The following MALRD1 variants were observed in gnomAD, a reference collection of about 807,000 sequenced individuals.
MALRD1 encodes the protein MAM and LDL-receptor class A domain-containing protein 1.
In MALRD1, 247 loss-of-function variants were observed where a neutral mutation model predicts 242.1. The ratio of observed to expected loss-of-function variants is 1.02; its 90% CI spans 0.92 to 1.13. The LOEUF is 1.13. Ranked by LOEUF, MALRD1 falls within the 50% of genes most tolerant of loss-of-function variation. The pLI is 0.00. For missense variants in MALRD1, 2,989 were observed against 2,533.1 expected, an observed-to-expected ratio of 1.18 and a Z score of -3.86; for synonymous variants, 995 against 866.6, an observed-to-expected ratio of 1.15 and a Z score of -2.60.
chr10:19,498,642 G>A lies in MALRD1; in HGVS notation c.5316G>A (p.Thr1772=), dbSNP rs1034442462. ...AKALIPDSDH[T]PGSGQHFLYV... ...CATTAATTCCAGACTCTGATCACAC[G>A]CCAGGTAAATCTAGTAGCCATCCCC... The change falls in exon 31 of 40, where the codon ACG becomes ACA. Residue 1772 remains threonine, a synonymous_variant. Coordinates refer to ENST00000454679, the MANE Select transcript of MALRD1 (RefSeq NM_001142308.3). 1.7e-5 allele frequency: 26 copies of A among 1,549,016 alleles called. No homozygotes were observed. Among genetic ancestry groups the A allele is most frequent in the African/African-American group, 9.6e-5 (7 of 72,942 alleles).
intron 18 of MALRD1, among the ~76,000 whole-genome samples, chr10:19,235,611 A>AGAGAGAGAGAGC (rs1176634148): frequency 7.1e-6 from 1 of 141,666 alleles, no homozygotes; most frequent in Non-Finnish European, 1.6e-5. Flanking sequence ...AGAGAGAGAG[A>AGAGAGAGAGAGC]GAGCGCCTAG....
chr10:19,260,395 A>C (rs1190900940), intron 19 of MALRD1, among the ~76,000 whole-genome samples: 1 of 152,182 alleles, frequency 6.6e-6, no homozygotes, highest in African/African-American at 2.4e-5. Context: ...CATGGCTAAA[A>C]GACCAAGTCC....
intron 28 of MALRD1, among the ~76,000 whole-genome samples, chr10:19,410,776 A>C (rs978208447): frequency 6.6e-5 from 10 of 150,992 alleles, no homozygotes; most frequent in African/African-American, 2.0e-4. Context: ...TACATGATTA[A>C]CTAATATTCT....
chr10:19,222,495 G>A (rs12572786), intron 18 of MALRD1, among the ~76,000 whole-genome samples: 1 of 152,124 alleles, frequency 6.6e-6, no homozygotes, highest in African/African-American at 2.4e-5. Flanking sequence ...AAATATACAC[G>A]TGTAATACGA....
rs138457549 is a variant in MALRD1, at chr10:19,244,701, C to T, written c.2992-12983C>T. 1.9e-3 allele frequency among the ~76,000 whole-genome samples: 288 copies of T among 152,298 alleles called. 2 individuals are homozygous for T. The highest frequency in any genetic ancestry group is 6.0e-3 in the African/African-American group (250 of 41,568). On this transcript the variant is annotated intron_variant, in intron 18 of 39. Transcript: ENST00000454679. ...TCTATGAAGCCAGCATACACAGCAA[C>T]GTGCAACGTGCAACCTAAAAACCAA...
intron 14 of MALRD1, among the ~76,000 whole-genome samples, chr10:19,195,619 G>A (rs1023956758): frequency 3.3e-5 from 5 of 152,076 alleles, no homozygotes; most frequent in Admixed American, 3.3e-4. Flanking sequence ...GAGTATGTCC[G>A]GGGTTAGAAA....
intron 17 of MALRD1, among the ~76,000 whole-genome samples, chr10:19,207,072 T>G (rs575215178): frequency 6.6e-6 from 1 of 152,222 alleles, no homozygotes; most frequent in Non-Finnish European, 1.5e-5. Context: ...TGATTTATTC[T>G]CGCCTGGCTG....
chr10:19,459,677 G>A (rs11010059), intron 29 of MALRD1, among the ~76,000 whole-genome samples: 5,915 of 151,908 alleles, frequency 0.039, 389 homozygotes, highest in African/African-American at 0.13. Flanking sequence ...CATTTGTTAC[G>A]TACCTTGAAA....
chr10:19,602,449 GT>G (rs541295078), intron 34 of MALRD1, among the ~76,000 whole-genome samples: 2 of 145,956 alleles, frequency 1.4e-5, no homozygotes, highest in African/African-American at 5.1e-5. Flanking sequence ...CGCGGTGTTT[GT>G]TTTTTTTTCC....
intron 31 of MALRD1, among the ~76,000 whole-genome samples, chr10:19,514,300 A>G (rs1833534627): frequency 3.3e-5 from 5 of 152,200 alleles, no homozygotes; most frequent in Admixed American, 3.3e-4. Flanking sequence ...AACACATATT[A>G]ATAACATATC....
intron 33 of MALRD1, among the ~76,000 whole-genome samples, chr10:19,587,844 G>T (rs1837517894): frequency 1.3e-5 from 2 of 151,830 alleles, no homozygotes; most frequent in African/African-American, 2.4e-5. Context: ...GGTAATCAGA[G>T]AGATGTCTTG....
intron 14 of MALRD1, among the ~76,000 whole-genome samples, chr10:19,190,764 T>C (rs1023404773): frequency 6.6e-6 from 1 of 151,946 alleles, no homozygotes; most frequent in African/African-American, 2.4e-5. Context: ...TGCGAAAGTA[T>C]GAAGTTGGAC....
chr10:19,536,637 C>T (rs1834687740), intron 32 of MALRD1, among the ~76,000 whole-genome samples: 1 of 151,786 alleles, frequency 6.6e-6, no homozygotes, highest in Non-Finnish European at 1.5e-5. Context: ...TATAAGTGTG[C>T]ACTGTAAAGA....
chr10:19,498,566 ACT>A lies in MALRD1; in HGVS notation c.5243_5244del (p.Ser1748Ter), dbSNP rs1275888800. The A allele has an allele frequency of 1.3e-6, 2 of 1,550,228 alleles. No homozygotes were observed. The highest frequency in any genetic ancestry group is 2.4e-5 in the East Asian group (1 of 40,886). On this transcript the variant is annotated frameshift_variant, in exon 31 of 40. Coordinates refer to ENST00000454679, the MANE Select transcript of MALRD1 (RefSeq NM_001142308.3). LOFTEE classifies it high-confidence loss of function. Reference sequence around the variant, plus strand: ...ACCACAGCCTGCAGTCTTACTCAAGACTCTGAGGATGACTTGGACTGGGCCAT... The same window carrying A: ...ACCACAGCCTGCAGTCTTACTCAAGACTGAGGATGACTTGGACTGGGCCAT...
chr10:19,066,891 C>G, intron 2 of MALRD1, 32 bp downstream of exon 2: 1 of 1,228,886 alleles, frequency 8.1e-7, no homozygotes, highest in Non-Finnish European at 1.0e-6. Context: ...TCTCCCCTCT[C>G]TCCCTTCCTC....
At position 19,049,138 on chromosome 10, in the gene MALRD1, GTAAGTGACATTCTCCTTTCTCCAATT is replaced by G; in HGVS notation, c.199+3_199+28del. ...GGGGATAGCAGTGATGAACGGCACT[GTAAGTGACATTCTCCTTTCTCCAATT>G]TCAATTCCCCGTACAGCCTGAAACG... On this transcript the variant is annotated splice_donor_variant and splice_donor_5th_base_variant and intron_variant, in intron 1 of 39. Coordinates refer to ENST00000454679, the MANE Select transcript of MALRD1 (RefSeq NM_001142308.3). LOFTEE classifies it high-confidence loss of function. 1.6e-6 allele frequency: 2 copies of G among 1,233,808 alleles called. No homozygotes were observed. Among genetic ancestry groups the G allele is most frequent in the Non-Finnish European group, 2.0e-6 (2 of 988,066 alleles). The allele number at this position is 1,233,808 out of a possible 1,614,324, so 76.4% of individuals were successfully genotyped here. A position where few individuals can be genotyped will look rare whatever the true frequency, so the allele number is the denominator to read the frequency against.
At chr10:19,126,578 AAT>A (rs1260585928) in intron 7 of MALRD1, among the ~76,000 whole-genome samples, 34 of 152,042 alleles carry the variant, frequency 2.2e-4, no homozygotes, top group African/African-American at 7.2e-4. Context: ...AGTGTATCTT[AAT>A]ATGTTTTTAA....
chr10:19,666,122 C>T (rs1248958893), intron 36 of MALRD1, among the ~76,000 whole-genome samples: 1 of 152,150 alleles, frequency 6.6e-6, no homozygotes, highest in Non-Finnish European at 1.5e-5. Flanking sequence ...CATCTGGCTA[C>T]CCTGTTTGCT....
chr10:19,123,635 C>T (rs1837147360), intron 6 of MALRD1, 42 bp downstream of exon 6: 1 of 1,112,108 alleles, frequency 9.0e-7, no homozygotes, highest in Non-Finnish European at 1.1e-6. Context: ...GGTATATATG[C>T]AATATGTGAG....
Sources: allele counts gnomAD v4.1 joint callset (sites outside exome capture counted in the v4.1 genomes callset), GRCh38; gene constraint gnomAD v4.1.1; transcripts MANE v1.5; gene names NCBI Gene and HGNC (gene_info 2026-07-23, HGNC 2026-07-21).